GHRH: variants seen among roughly 807,000 people sequenced by gnomAD.
The protein encoded by GHRH is growth hormone releasing hormone, also known as somatoliberin.
GHRH carries 7 observed loss-of-function variants against 15.6 expected under a neutral mutation model. The ratio of observed to expected loss-of-function variants is 0.45; its 90% CI spans 0.26 to 0.84. The LOEUF (loss-of-function observed/expected upper bound fraction) is 0.84, where lower values mean the gene tolerates loss of function less well. Among genes scored for constraint, GHRH ranks in the 40% least tolerant of loss-of-function variants. The pLI is 0.18. For missense variants in GHRH, 117 were observed against 138.0 expected, an observed-to-expected ratio of 0.85 and a Z score of 0.76; for synonymous variants, 54 against 50.4, an observed-to-expected ratio of 1.07 and a Z score of -0.30.
At chr20:37,256,993 T>C (rs1441979441) in intron 1 of GHRH, 85 bp from the exon 2 acceptor site, 1 of 798,616 alleles carries the variant, frequency 1.3e-6, no homozygotes, top group African/African-American at 1.7e-5. Context: ...CTTGGCTCCA[T>C]GGCAAGCCTT....
chr20:37,255,660 CAAAAAAAAAAA>C (rs61126074), intron 3 of GHRH, among the ~76,000 whole-genome samples: 6 of 14,720 alleles, frequency 4.1e-4, no homozygotes, highest in Admixed American at 1.8e-3. Context: ...GACTCCATCT[CAAAAAAAAAAA>C]AAAAAAAAAA....
chr20:37,261,524 G>C (rs552707215), intron 1 of GHRH, among the ~76,000 whole-genome samples: 1 of 152,232 alleles, frequency 6.6e-6, no homozygotes, highest in African/African-American at 2.4e-5. Flanking sequence ...TCCGCCACGC[G>C]CCCAAGTTAA....
intron 4 of GHRH, among the ~76,000 whole-genome samples, chr20:37,251,758 G>A (rs563557939): frequency 6.6e-6 from 1 of 152,286 alleles, no homozygotes; most frequent in Admixed American, 6.5e-5. Flanking sequence ...TTCCTTACAG[G>A]GCTGTTACGT....
Position 37,253,836 on chromosome 20 carries a change from C to T in GHRH, c.308+374G>A, listed in dbSNP as rs538946181. Among the ~76,000 whole-genome samples the T allele has an allele frequency of 2.5e-4, 38 of 152,280 alleles. 1 individual carries two copies. In the South Asian group the frequency reaches 6.6e-3, roughly 27 times the overall value. On this transcript the variant is annotated intron_variant, in intron 4 of 4. Transcript: ENST00000373614. Reference sequence around the variant, plus strand: ...TGCGATCTCAGCTCACTGCAACCTCCGCCTCCCAGCTTCAAGCGATTCTCC... The same window carrying T: ...TGCGATCTCAGCTCACTGCAACCTCTGCCTCCCAGCTTCAAGCGATTCTCC...
rs1392240791 is a variant in GHRH, at chr20:37,258,979, A to T, written c.-19-2071T>A. 6.6e-6 allele frequency among the ~76,000 whole-genome samples: 1 copy of T among 151,922 alleles called. No individual in the cohort carries two copies. The highest frequency in any genetic ancestry group is 1.5e-5 in the Non-Finnish European group (1 of 67,972). ...GGTTTCAAACCCCCGGGCTTAAGTG[A>T]TCCCCCCGCCTCAGCCTCCCAAAGA... On this transcript the variant is annotated intron_variant, in intron 1 of 4. Transcript: ENST00000373614. The surrounding 1 kb of genome is among the most constrained non-coding windows in gnomAD (Gnocchi z 4.1).
chr20:37,255,197 G>A (rs1269162305), intron 3 of GHRH, among the ~76,000 whole-genome samples: 1 of 152,094 alleles, frequency 6.6e-6, no homozygotes, highest in Non-Finnish European at 1.5e-5. Context: ...GTAAGCAAAT[G>A]TGATAAAATG....
At chr20:37,252,721 G>A (rs953790800) in intron 4 of GHRH, among the ~76,000 whole-genome samples, 8 of 151,838 alleles carry the variant, frequency 5.3e-5, no homozygotes, top group African/African-American at 1.9e-4. Context: ...TGGCCAGCAT[G>A]GTGAAACCCC....
intron 1 of GHRH, among the ~76,000 whole-genome samples, 200 bp from the exon 2 acceptor site, chr20:37,257,108 T>A (rs1383960689): frequency 6.6e-6 from 1 of 152,206 alleles, no homozygotes; most frequent in Non-Finnish European, 1.5e-5. Flanking sequence ...CTGCTCTGAC[T>A]TCATTTTCTC....
chr20:37,256,275 A>T, intron 3 of GHRH, 119 bp downstream of exon 3: 2 of 598,814 alleles, frequency 3.3e-6, no homozygotes, highest in Non-Finnish European at 5.8e-6. Context: ...GGAAGTCCAG[A>T]AATGACACTT....
rs554309617 is a variant in GHRH, at chr20:37,258,066, T to G, written c.-19-1158A>C. Among the ~76,000 whole-genome samples the G allele has an allele frequency of 6.6e-6, 1 of 152,288 alleles. No homozygotes were observed. The highest frequency in any genetic ancestry group is 2.4e-5 in the African/African-American group (1 of 41,558). ...TCATAGGTCCTGTAACTACCCTTAA[T>G]TGGGGCCTGCGGACAGCATGCTCTG... On this transcript the variant is annotated intron_variant, in intron 1 of 4. Transcript: ENST00000373614. The surrounding 1 kb of genome is among the most constrained non-coding windows in gnomAD (Gnocchi z 4.1).
Position 37,252,150 on chromosome 20 carries a change from G to A in GHRH, c.309-919C>T, listed in dbSNP as rs545051093. Among the ~76,000 whole-genome samples the A allele has an allele frequency of 9.2e-5, 14 of 152,304 alleles. No homozygotes were observed. The East Asian group carries it at 1.7e-3, about 19-fold the overall frequency. ...CATTATTTTTGAACTCTTGTCTTGC[G>A]GACCCTAGAGATGGTAAGAGCTAAC... On this transcript the variant is annotated intron_variant, in intron 4 of 4. Coordinates refer to ENST00000373614, the MANE Select transcript of GHRH (RefSeq NM_021081.6).
chr20:37,252,959 G>C (rs965838259), intron 4 of GHRH, among the ~76,000 whole-genome samples: 5 of 152,206 alleles, frequency 3.3e-5, no homozygotes, highest in Admixed American at 2.0e-4. Context: ...TTGAACCCTG[G>C]AGGCAGAGGC....
intron 1 of GHRH, 135 bp from the exon 2 acceptor site, chr20:37,257,043 C>T: frequency 1.6e-6 from 1 of 642,812 alleles, no homozygotes; most frequent in Non-Finnish European, 2.8e-6. Flanking sequence ...GGAAAAAGAA[C>T]CCAGACACTG....
chr20:37,260,684 C>T (rs1381755735), intron 1 of GHRH, among the ~76,000 whole-genome samples: 1 of 152,250 alleles, frequency 6.6e-6, no homozygotes, highest in African/African-American at 2.4e-5. Flanking sequence ...AACAGCATTG[C>T]TGGCAACCCT....
intron 1 of GHRH, among the ~76,000 whole-genome samples, chr20:37,260,120 A>G (rs2068679993): frequency 6.6e-6 from 1 of 152,192 alleles, no homozygotes; most frequent in Non-Finnish European, 1.5e-5. Context: ...GGCAAGTCAT[A>G]GTAAACACAA....
At position 37,261,805 on chromosome 20, in the gene GHRH, T is replaced by C. The variant is rs1178026650; in HGVS notation, c.-82A>G. Reference sequence around the variant, plus strand: ...TCAAATCCAGGGGCCCTGGGCTGGGTGTTTGCTCTGGCAGCCGCCTGGCGT... The same window carrying C: ...TCAAATCCAGGGGCCCTGGGCTGGGCGTTTGCTCTGGCAGCCGCCTGGCGT... On this transcript the variant is annotated 5_prime_UTR_variant, in exon 1 of 5. Coordinates refer to ENST00000373614, the MANE Select transcript of GHRH (RefSeq NM_021081.6). The C allele has an allele frequency of 6.6e-6, 1 of 152,216 alleles. No individual in the cohort carries two copies. Among genetic ancestry groups the C allele is most frequent in the African/African-American group, 2.4e-5 (1 of 41,434 alleles). The allele number at this position is 152,216 out of a possible 1,614,324, so 9.4% of individuals were successfully genotyped here.
intron 4 of GHRH, among the ~76,000 whole-genome samples, chr20:37,252,860 GA>G (rs1462655322): frequency 5.9e-5 from 9 of 152,286 alleles, no homozygotes. Context: ...CCAACATGGT[GA>G]AACCCTGTCT....
intron 4 of GHRH, among the ~76,000 whole-genome samples, chr20:37,251,599 C>T (rs533235247): frequency 3.3e-4 from 50 of 152,330 alleles, no homozygotes; most frequent in Middle Eastern, 6.8e-3. Flanking sequence ...GTGTCTAGTT[C>T]CTTGCTGCTT....
At chr20:37,255,457 G>A (rs1373887909) in intron 3 of GHRH, among the ~76,000 whole-genome samples, 2 of 151,672 alleles carry the variant, frequency 1.3e-5, no homozygotes, top group East Asian at 2.0e-4. Flanking sequence ...TCAGGAGATC[G>A]AGACCGTCCT....
Sources: gnomAD v4.1 joint callset for allele counts (sites outside exome capture counted in the v4.1 genomes callset) on GRCh38, gnomAD v4.1.1 for gene constraint, Gnocchi (gnomAD v3.1) non-coding constraint, MANE v1.5 for transcripts, NCBI Gene and HGNC (gene_info 2026-07-23, HGNC 2026-07-21) for gene names.